CTNNA2: variants seen among roughly 807,000 people sequenced by gnomAD.
CTNNA2 encodes the protein catenin alpha 2, also known as catenin alpha-2.
CTNNA2 carries 42 observed loss-of-function variants against 101.0 expected under a neutral mutation model. The ratio of observed to expected loss-of-function variants is 0.42; its 90% CI spans 0.32 to 0.54. The LOEUF (loss-of-function observed/expected upper bound fraction) is 0.54. Ranked by LOEUF, CTNNA2 falls within the 20% of genes least tolerant of loss-of-function variation. CTNNA2 has a pLI of 0.14. For synonymous variants in CTNNA2, 450 were observed against 456.4 expected (o/e 0.99, Z 0.18); for missense variants, 871 against 1,223.1 (o/e 0.71, Z 4.29).
At chr2:79,358,451 C>T (rs1326296714) in intron 3 of CTNNA2, among the ~76,000 whole-genome samples, 3 of 152,124 alleles carry the variant, frequency 2.0e-5, no homozygotes, top group Non-Finnish European at 2.9e-5. Flanking sequence ...TCATCTGCCT[C>T]GGCCTCCCAA....
At chr2:80,000,967 G>GTAGA (rs757019638) in intron 7 of CTNNA2, among the ~76,000 whole-genome samples, 44 of 152,268 alleles carry the variant, frequency 2.9e-4, no homozygotes, top group Non-Finnish European at 5.9e-4. Context: ...TAGGCTCAGG[G>GTAGA]TAGATGCTTC....
At chr2:79,382,673 G>A (rs1004644804) in intron 4 of CTNNA2, among the ~76,000 whole-genome samples, 19 of 152,140 alleles carry the variant, frequency 1.2e-4, no homozygotes, top group African/African-American at 4.6e-4. Context: ...GAGTGCAGTG[G>A]CACAATCTCG....
chr2:80,230,260 GTTT>G (rs375509574), intron 7 of CTNNA2, among the ~76,000 whole-genome samples: 1,538 of 121,592 alleles, frequency 0.013, 25 homozygotes, highest in African/African-American at 0.048. Context: ...TTTTTTCTTT[GTTT>G]TTTTTTTTTT....
intron 4 of CTNNA2, among the ~76,000 whole-genome samples, chr2:79,414,643 T>C (rs1329385278): frequency 1.3e-5 from 2 of 152,098 alleles, no homozygotes; most frequent in African/African-American, 2.4e-5. Context: ...TTAAATATTA[T>C]GAAAATGATG....
At chr2:80,206,386 A>G (rs1707534607) in intron 7 of CTNNA2, among the ~76,000 whole-genome samples, 1 of 152,222 alleles carries the variant, frequency 6.6e-6, no homozygotes, top group African/African-American at 2.4e-5. Flanking sequence ...AAGCCTATGC[A>G]TTATTTGGGG....
intron 1 of CTNNA2, among the ~76,000 whole-genome samples, chr2:79,632,055 ACAGTCG>A (rs1285575582): frequency 1.3e-5 from 2 of 152,196 alleles, no homozygotes; most frequent in African/African-American, 4.8e-5. Flanking sequence ...TGATTGTGAA[ACAGTCG>A]CAGTGGTTTT....
At chr2:80,237,578 T>A (rs1709613127) in intron 7 of CTNNA2, among the ~76,000 whole-genome samples, 1 of 152,100 alleles carries the variant, frequency 6.6e-6, no homozygotes, top group Admixed American at 6.6e-5. Flanking sequence ...AACTCCAAAA[T>A]GTGCCAGGCC....
intron 5 of CTNNA2, among the ~76,000 whole-genome samples, chr2:79,872,928 C>T (rs1682703989): frequency 6.6e-6 from 1 of 152,140 alleles, no homozygotes; most frequent in African/African-American, 2.4e-5. Flanking sequence ...TTCTGAAAAT[C>T]ATTTGAACAT....
chr2:80,135,626 G>A (rs1054136742), intron 7 of CTNNA2, among the ~76,000 whole-genome samples: 4 of 152,148 alleles, frequency 2.6e-5, no homozygotes, highest in African/African-American at 9.7e-5. Flanking sequence ...ATAGGCACTT[G>A]AGAACCATCC....
At chr2:80,239,139 A>G (rs1406595222) in intron 7 of CTNNA2, among the ~76,000 whole-genome samples, 1 of 152,164 alleles carries the variant, frequency 6.6e-6, no homozygotes, top group Non-Finnish European at 1.5e-5. Flanking sequence ...GTGTGTATTT[A>G]AAGATTACAA....
chr2:79,882,408 G>C (rs1006619127), intron 6 of CTNNA2, among the ~76,000 whole-genome samples: 10 of 152,188 alleles, frequency 6.6e-5, no homozygotes, highest in Non-Finnish European at 1.2e-4. Flanking sequence ...GTCTCTGGCT[G>C]GAGTTATTAG....
At chr2:80,020,706 G>A (rs6752555) in intron 7 of CTNNA2, among the ~76,000 whole-genome samples, 8,403 of 152,050 alleles carry the variant, frequency 0.055, 661 homozygotes, top group African/African-American at 0.17. Context: ...TTGTGTTCTC[G>A]TCTTTTGGTT....
intron 2 of CTNNA2, among the ~76,000 whole-genome samples, chr2:79,662,574 A>G (rs553648488): frequency 2.0e-5 from 3 of 152,248 alleles, no homozygotes; most frequent in Non-Finnish European, 1.5e-5. Flanking sequence ...CCATTACACC[A>G]AGCAGGAAAA....
intron 7 of CTNNA2, among the ~76,000 whole-genome samples, chr2:79,921,835 ACAG>A: frequency 6.6e-6 from 1 of 152,158 alleles, no homozygotes; most frequent in Non-Finnish European, 1.5e-5. Context: ...ATTGTAGGGA[ACAG>A]CTTCTAAGAG....
chr2:79,724,556 C>CT (rs1275658072), intron 2 of CTNNA2, among the ~76,000 whole-genome samples: 2 of 152,108 alleles, frequency 1.3e-5, no homozygotes, highest in Non-Finnish European at 2.9e-5. Flanking sequence ...TGGCTCACGC[C>CT]TGTAACCCCA....
intron 7 of CTNNA2, among the ~76,000 whole-genome samples, chr2:80,380,941 G>A (rs1488128653): frequency 6.6e-6 from 1 of 152,144 alleles, no homozygotes; most frequent in Non-Finnish European, 1.5e-5. Flanking sequence ...GTGTTCCAGG[G>A]TTTCGGCCTG....
At chr2:79,304,013 C>G (rs893536461) in intron 2 of CTNNA2, among the ~76,000 whole-genome samples, 9 of 152,094 alleles carry the variant, frequency 5.9e-5, no homozygotes, top group Non-Finnish European at 1.3e-4. Flanking sequence ...GAGTATGCTG[C>G]TACTGGGAGC....
intron 9 of CTNNA2, among the ~76,000 whole-genome samples, chr2:80,423,214 C>A (rs1200942431): frequency 6.6e-6 from 1 of 151,826 alleles, no homozygotes; most frequent in African/African-American, 2.4e-5. Flanking sequence ...TTTTTTCCTG[C>A]TTTCTTCCAG....
At chr2:80,644,791 C>T (rs1052105428) in intron 18 of CTNNA2, among the ~76,000 whole-genome samples, 2 of 152,128 alleles carry the variant, frequency 1.3e-5, no homozygotes, top group African/African-American at 4.8e-5. Context: ...CAAGATCTGC[C>T]TTAGCAGGTG....
Sources: gnomAD v4.1 joint callset for allele counts (sites outside exome capture counted in the v4.1 genomes callset) on GRCh38, gnomAD v4.1.1 for gene constraint, MANE v1.5 for transcripts, NCBI Gene and HGNC (gene_info 2026-07-23, HGNC 2026-07-21) for gene names.